The following IRAK1BP1 variants were observed in gnomAD, a reference collection of about 807,000 sequenced individuals.
The protein encoded by IRAK1BP1 is interleukin 1 receptor associated kinase 1 binding protein 1.
In IRAK1BP1, 24 loss-of-function variants were observed where a neutral mutation model predicts 28.0. That is an observed-to-expected ratio of 0.86 (90% CI 0.62 to 1.20). The LOEUF (loss-of-function observed/expected upper bound fraction) is 1.20. Ranked by LOEUF, IRAK1BP1 falls within the 50% of genes most tolerant of loss-of-function variation. The pLI is 0.00. For missense variants in IRAK1BP1, 336 were observed against 316.7 expected (o/e 1.06, Z -0.46); for synonymous variants, 131 against 116.3 (o/e 1.13, Z -0.81).
At chr6:78,947,268 T>G (rs950318880), downstream of IRAK1BP1, among the ~76,000 whole-genome samples, 18 of 152,314 alleles carry the variant, frequency 1.2e-4, no homozygotes, top group Middle Eastern at 3.4e-3. Flanking sequence ...TCATGTCTGG[T>G]CAGAGTGTTA....
chr6:78,954,994 A>G, the IRAK1BP1 span: 3 of 1,462,540 alleles, frequency 2.1e-6, no homozygotes, highest in Non-Finnish European at 2.7e-6. Context: ...TATATTAATA[A>G]AAGAGCACTT....
At chr6:78,936,875 G>C (rs1773290388) in intron 4 of IRAK1BP1, 1 of 151,732 alleles carries the variant, frequency 6.6e-6, no homozygotes, top group South Asian at 2.1e-4. Context: ...ATTAATTTTA[G>C]TTCAGATCAC....
chr6:78,893,326 A>ATATATATG (rs1771746298), intron 2 of IRAK1BP1, among the ~76,000 whole-genome samples: 2 of 88,102 alleles, frequency 2.3e-5, no homozygotes, highest in East Asian at 6.0e-4. Context: ...ATATATATAT[A>ATATATATG]TATATATATA....
intron 4 of IRAK1BP1, among the ~76,000 whole-genome samples, chr6:78,942,339 T>C (rs770857774): frequency 6.6e-6 from 1 of 152,040 alleles, no homozygotes; most frequent in Non-Finnish European, 1.5e-5. Context: ...AAAAAGTAGC[T>C]GGGCGTGGTG....
intron 4 of IRAK1BP1, among the ~76,000 whole-genome samples, chr6:78,922,689 T>C (rs374479454): frequency 1.4e-4 from 21 of 152,112 alleles, no homozygotes; most frequent in African/African-American, 4.6e-4. Flanking sequence ...TCGGGTTACC[T>C]TCAAAGGGAA....
At chr6:78,958,504 G>A in the IRAK1BP1 span, 47 of 1,552,782 alleles carry the variant, frequency 3.0e-5, no homozygotes, top group Non-Finnish European at 3.9e-5. Flanking sequence ...GATCAGTCAC[G>A]AATTTAGCAG....
chr6:78,877,644 C>T (rs749423427), intron 1 of IRAK1BP1, among the ~76,000 whole-genome samples: 20 of 152,224 alleles, frequency 1.3e-4, no homozygotes, highest in South Asian at 6.2e-4. Flanking sequence ...ACAGTGGGTG[C>T]GGGACAGTGG....
chr6:78,915,104 G>C (rs1772526574), intron 4 of IRAK1BP1, among the ~76,000 whole-genome samples: 1 of 152,200 alleles, frequency 6.6e-6, no homozygotes, highest in African/African-American at 2.4e-5. Context: ...ACAGGTGTGA[G>C]CCACCGCACC....
the IRAK1BP1 span, among the ~76,000 whole-genome samples, chr6:78,972,721 T>C: frequency 6.1e-4 from 93 of 152,010 alleles, 2 homozygotes; most frequent in South Asian, 7.7e-3. Context: ...TCGAGAACTA[T>C]GTGAAGAATG....
rs760638127 is a variant in IRAK1BP1 at position 78,867,905 on chromosome 6, G to T, written c.315+14G>T. ...CAGGGCGTGCAGGTGAGATCTCCGC[G>T]GGGGAGGAAATAAGAGCCGGAAGAC... On this transcript the variant is annotated intron_variant, in intron 1 of 3. Transcript: ENST00000369940. The T allele has an allele frequency of 1.4e-5, 21 of 1,554,740 alleles. No homozygotes were observed. The highest frequency in any genetic ancestry group is 2.6e-6 in the Non-Finnish European group (3 of 1,149,184).
At chr6:78,886,805 A>G (rs1449880615) in intron 2 of IRAK1BP1, among the ~76,000 whole-genome samples, 1 of 152,224 alleles carries the variant, frequency 6.6e-6, no homozygotes, top group Non-Finnish European at 1.5e-5. Context: ...TGCTTGTTTT[A>G]AAACATGACT....
the IRAK1BP1 span, among the ~76,000 whole-genome samples, chr6:78,974,958 G>C: frequency 6.6e-6 from 1 of 151,506 alleles, no homozygotes; most frequent in Non-Finnish European, 1.5e-5. Flanking sequence ...GGAGGAACTG[G>C]TACCATTCCT....
At chr6:78,923,484 C>G (rs973043806) in intron 4 of IRAK1BP1, among the ~76,000 whole-genome samples, 3 of 152,008 alleles carry the variant, frequency 2.0e-5, no homozygotes, top group African/African-American at 4.8e-5. Context: ...ACTTTAACAC[C>G]CCACTGTCAA....
chr6:78,884,458 T>A lies in IRAK1BP1; in HGVS notation c.316-920T>A, dbSNP rs187985713. Among the ~76,000 whole-genome samples the A allele has an allele frequency of 6.4e-4, 97 of 152,270 alleles. 1 individual carries two copies. In the South Asian group the frequency reaches 8.1e-3, roughly 13 times the overall value. ...ATAAGAAATTCAACTTTTTTGTCAG[T>A]ATTATATGCCTTGTATTTACCCTGA... On this transcript the variant is annotated intron_variant, in intron 1 of 3. Coordinates refer to ENST00000369940, the MANE Select transcript of IRAK1BP1 (RefSeq NM_001010844.4).
intron 4 of IRAK1BP1, among the ~76,000 whole-genome samples, chr6:78,927,304 T>G (rs967045005): frequency 6.6e-6 from 1 of 152,196 alleles, no homozygotes; most frequent in African/African-American, 2.4e-5. Flanking sequence ...ACCAGTGATA[T>G]TGAGCACCTT....
At chr6:78,979,040 A>C in the IRAK1BP1 span, among the ~76,000 whole-genome samples, 1 of 152,120 alleles carries the variant, frequency 6.6e-6, no homozygotes, top group Non-Finnish European at 1.5e-5. Flanking sequence ...AAATGACTTA[A>C]AGTATATAGG....
chr6:78,947,471 A>G (rs1457786183), downstream of IRAK1BP1: 7 of 526,206 alleles, frequency 1.3e-5, no homozygotes, highest in Non-Finnish European at 2.0e-5. Flanking sequence ...GGAGCTGAGT[A>G]GAAAGGTATA....
chr6:78,960,144 ATTCATATCCCTTTCATATCACTGT>A, the IRAK1BP1 span, among the ~76,000 whole-genome samples: 2 of 152,292 alleles, frequency 1.3e-5, no homozygotes, highest in South Asian at 4.1e-4. Context: ...TTTCTACTGA[ATTCATATCCCTTTCATATCACTGT>A]AAAGCTGAAA....
chr6:78,953,926 G>T, the IRAK1BP1 span, among the ~76,000 whole-genome samples: 3 of 152,060 alleles, frequency 2.0e-5, no homozygotes, highest in Non-Finnish European at 4.4e-5. Flanking sequence ...AAAGGGATGA[G>T]AAATCACTCT....
Sources: allele counts gnomAD v4.1 joint callset (sites outside exome capture counted in the v4.1 genomes callset), GRCh38; gene constraint gnomAD v4.1.1; transcripts MANE v1.5; gene names NCBI Gene and HGNC (gene_info 2026-07-23, HGNC 2026-07-21).